Variants in NPHP4 observed in about 807,000 individuals in gnomAD.
NPHP4 encodes nephrocystin-4.
NPHP4 carries 151 observed loss-of-function variants against 155.8 expected under a neutral mutation model. The ratio of observed to expected loss-of-function variants is 0.97; its 90% CI spans 0.85 to 1.11. NPHP4 has a LOEUF of 1.11. NPHP4 is among the 50% of genes least tolerant of loss of function. The pLI, the probability that NPHP4 is intolerant of heterozygous loss-of-function variation, is 0.00. For missense variants in NPHP4, 1,956 were observed against 1,925.7 expected, an observed-to-expected ratio of 1.02 and a Z score of -0.29; for synonymous variants, 845 against 816.8, an observed-to-expected ratio of 1.03 and a Z score of -0.59.
At chr1:5,925,609 T>G (rs572251986) in intron 11 of NPHP4, among the ~76,000 whole-genome samples, 4 of 152,210 alleles carry the variant, frequency 2.6e-5, no homozygotes, top group South Asian at 2.1e-4. Context: ...ATGGGTTTTT[T>G]TTTGTTTGTT....
chr1:5,929,025 T>C lies in NPHP4; in HGVS notation c.1303-1238A>G, dbSNP rs183769681. Reference sequence around the variant, plus strand: ...TTTCAGCATACAGATCCCCTAACTATTTTGTTAGATTTAGTTCATGGAGGG... The same window carrying C: ...TTTCAGCATACAGATCCCCTAACTACTTTGTTAGATTTAGTTCATGGAGGG... On this transcript the variant is annotated intron_variant, in intron 10 of 29. Coordinates refer to ENST00000378156, the MANE Select transcript of NPHP4 (RefSeq NM_015102.5). Among the ~76,000 whole-genome samples, 420 of 151,782 alleles carry C rather than the reference T, an allele frequency of 2.8e-3. 3 individuals carry two copies. The highest frequency in any genetic ancestry group is 9.6e-3 in the African/African-American group (393 of 41,050).
intron 11 of NPHP4, among the ~76,000 whole-genome samples, chr1:5,914,271 A>C (rs1645345419): frequency 7.1e-6 from 1 of 141,274 alleles, no homozygotes; most frequent in African/African-American, 2.9e-5. Context: ...AAAAAAAAAA[A>C]AAAAAAAAAA....
chr1:5,954,665 G>A (rs182545875), intron 6 of NPHP4, among the ~76,000 whole-genome samples: 33 of 152,184 alleles, frequency 2.2e-4, no homozygotes, highest in African/African-American at 6.0e-4. Flanking sequence ...GAGATGAGAC[G>A]CCCTACCTCT....
rs1241385088 is a variant in NPHP4, at chr1:5,910,507, G to A, written c.1442-1294C>T. 2.0e-5 allele frequency among the ~76,000 whole-genome samples: 3 copies of A among 152,150 alleles called. No individual in the cohort carries two copies. The highest frequency in any genetic ancestry group is 7.2e-5 in the African/African-American group (3 of 41,514). On this transcript the variant is annotated intron_variant, in intron 11 of 29. Coordinates refer to ENST00000378156, the MANE Select transcript of NPHP4 (RefSeq NM_015102.5). This position sits in a 1 kb window ranked among gnomAD's most constrained non-coding sequence, Gnocchi z 5.4. ...CTGCTGCCATGAAGGTTGGGCAAAC[G>A]AATCTCCTATATGTCCTGGTATCCT...
intron 19 of NPHP4, chr1:5,879,305 CAA>C: frequency 3.3e-6 from 1 of 306,036 alleles, no homozygotes; most frequent in Admixed American, 4.7e-5. Context: ...ACTTGTAATT[CAA>C]ATGACAAGTA....
Position 5,905,252 on chromosome 1 carries a change from T to G in NPHP4, c.1955+40A>C. ...CGAAGTTTCTCTTCAACACAGGAAA[T>G]GTGAAAGCCAGATGAGTAACAGAAT... On this transcript the variant is annotated intron_variant, in intron 15 of 29. Coordinates refer to ENST00000378156, the MANE Select transcript of NPHP4 (RefSeq NM_015102.5). The surrounding 1 kb of genome is among the most constrained non-coding windows in gnomAD (Gnocchi z 4.0). The G allele has an allele frequency of 6.6e-7, 1 of 1,521,624 alleles. No individual in the cohort carries two copies. The highest frequency in any genetic ancestry group is 1.4e-5 in the African/African-American group (1 of 73,268). 94.3% of individuals were successfully genotyped at this position (1,521,624 alleles called of 1,614,324 possible).
intron 9 of NPHP4, among the ~76,000 whole-genome samples, chr1:5,941,989 G>A (rs1342171817): frequency 2.0e-5 from 3 of 152,186 alleles, no homozygotes; most frequent in African/African-American, 4.8e-5. Flanking sequence ...AGATACCCAC[G>A]TGGTCTCAGA....
intron 3 of NPHP4, among the ~76,000 whole-genome samples, chr1:5,973,353 GCTTA>G (rs1652937451): frequency 6.6e-6 from 1 of 152,258 alleles, no homozygotes; most frequent in African/African-American, 2.4e-5. Flanking sequence ...CAACTCCTTG[GCTTA>G]CTTAGAAAAG....
intron 16 of NPHP4, among the ~76,000 whole-genome samples, chr1:5,894,194 A>G (rs1253825965): frequency 1.3e-5 from 2 of 152,248 alleles, no homozygotes; most frequent in African/African-American, 2.4e-5. Flanking sequence ...TGCACTCCAT[A>G]AAGTAGAAAT....
chr1:5,956,139 A>G (rs1388141466), intron 6 of NPHP4, among the ~76,000 whole-genome samples: 3 of 151,128 alleles, frequency 2.0e-5, no homozygotes, highest in Admixed American at 6.6e-5. Context: ...GACTTCCTTT[A>G]GGAAAGATCA....
chr1:5,885,981 G>A (rs1643768247), intron 18 of NPHP4, among the ~76,000 whole-genome samples: 1 of 152,152 alleles, frequency 6.6e-6, no homozygotes. Flanking sequence ...CTTCCTATGA[G>A]CTTATCTCTC....
chr1:5,947,370 T>C, intron 8 of NPHP4, 140 bp from the exon 9 acceptor site: 1 of 798,236 alleles, frequency 1.3e-6, no homozygotes, highest in Non-Finnish European at 2.1e-6. Flanking sequence ...GTCCACCATG[T>C]AACACTGCAC....
In NPHP4 at chr1:5,867,940, G is replaced by C. The variant is rs374606004; in HGVS notation, c.3316-44C>G. ...GAGTGTTGGGATGGGCACGAGGCTT[G>C]TGAGCAGCTTCTTGTCCCTCCTTAG... On this transcript the variant is annotated intron_variant, in intron 23 of 29. Coordinates refer to ENST00000378156, the MANE Select transcript of NPHP4 (RefSeq NM_015102.5). This position sits in a 1 kb window ranked among gnomAD's most constrained non-coding sequence, Gnocchi z 4.1. The C allele has an allele frequency of 5.3e-5, 86 of 1,608,384 alleles. No individual in the cohort carries two copies. The highest frequency in any genetic ancestry group is 6.2e-5 in the Non-Finnish European group (73 of 1,175,004).
chr1:5,956,070 G>GT lies in NPHP4; in HGVS notation c.674-3235_674-3234insA, dbSNP rs371463352. 7.9e-4 allele frequency among the ~76,000 whole-genome samples: 117 copies of GT among 148,348 alleles called. 1 individual carries two copies. Among genetic ancestry groups the GT allele is most frequent in the African/African-American group, 2.7e-3 (107 of 40,374 alleles). On this transcript the variant is annotated intron_variant, in intron 6 of 29. Coordinates refer to ENST00000378156, the MANE Select transcript of NPHP4 (RefSeq NM_015102.5). ...ATGTTTCAAAAAGCTGGGGGGGGGGGGTGCAGGGAGGGATGACATAAACTA... is the reference window on the plus strand; with the variant it reads ...ATGTTTCAAAAAGCTGGGGGGGGGGGTGTGCAGGGAGGGATGACATAAACTA...
In NPHP4 at chr1:5,910,328, C is replaced by A. The variant is rs1413136503; in HGVS notation, c.1442-1115G>T. The stretch of plus-strand genomic sequence containing the variant: ...TTCACGGTGACAGGACTCTCCACTG[C>A]AGCAGACACTACCACTCCCCATCGG... On this transcript the variant is annotated intron_variant, in intron 11 of 29. Transcript: ENST00000378156. This position sits in a 1 kb window ranked among gnomAD's most constrained non-coding sequence, Gnocchi z 5.4. Among the ~76,000 whole-genome samples, 5 of 152,140 alleles carry A rather than the reference C, an allele frequency of 3.3e-5. No homozygotes were observed. The highest frequency in any genetic ancestry group is 2.6e-4 in the Admixed American group (4 of 15,282).
intron 18 of NPHP4, chr1:5,880,649 C>CCA: frequency 4.6e-6 from 1 of 215,190 alleles, no homozygotes. Flanking sequence ...ATGTCTGGCT[C>CCA]CACACACACC....
intron 9 of NPHP4, among the ~76,000 whole-genome samples, chr1:5,941,263 C>A: frequency 7.1e-6 from 1 of 140,260 alleles, no homozygotes; most frequent in African/African-American, 2.8e-5. Context: ...AGATCCATCC[C>A]TCACACCACA....
intron 16 of NPHP4, 130 bp downstream of exon 16, chr1:5,904,487 G>A: frequency 1.5e-6 from 1 of 672,882 alleles, no homozygotes; most frequent in East Asian, 2.9e-5. Context: ...TGCTGCACTG[G>A]TCACCGTATG....
intron 11 of NPHP4, 87 bp from the exon 12 acceptor site, chr1:5,909,300 C>G (rs948995813): frequency 2.0e-6 from 2 of 1,002,172 alleles, no homozygotes; most frequent in Non-Finnish European, 3.1e-6. Flanking sequence ...GCAGTCAGGT[C>G]TCCACAGGCC....
Sources: gnomAD v4.1 joint callset for allele counts (sites outside exome capture counted in the v4.1 genomes callset) on GRCh38, gnomAD v4.1.1 for gene constraint, Gnocchi (gnomAD v3.1) non-coding constraint, MANE v1.5 for transcripts, NCBI Gene and HGNC (gene_info 2026-07-23, HGNC 2026-07-21) for gene names.